The following TGFB1 variants were observed in gnomAD, a reference collection of about 807,000 sequenced individuals.
The protein encoded by TGFB1 is transforming growth factor beta-1 proprotein.
Under a neutral mutation model 43.8 loss-of-function variants are expected in TGFB1, and 19 were observed. The observed-to-expected ratio is 0.43, with a 90% CI of 0.30 to 0.64. The LOEUF (loss-of-function observed/expected upper bound fraction) is 0.64, where lower values mean the gene tolerates loss of function less well. Ranked by LOEUF, TGFB1 falls within the 30% of genes least tolerant of loss-of-function variation. The pLI, the probability that TGFB1 is intolerant of heterozygous loss-of-function variation, is 0.11. For synonymous variants in TGFB1, 221 were observed against 236.3 expected (o/e 0.94, Z 0.60); for missense variants, 445 against 529.8 (o/e 0.84, Z 1.57).
chr19:41,338,835 C>CA (rs61631301), intron 5 of TGFB1, among the ~76,000 whole-genome samples: 1,292 of 118,660 alleles, frequency 0.011, 12 homozygotes, highest in African/African-American at 0.031. Flanking sequence ...ACTCTGTCTC[C>CA]AAAAAAAAAA....
At chr19:41,338,676 T>A (rs2038017720) in intron 5 of TGFB1, among the ~76,000 whole-genome samples, 1 of 151,466 alleles carries the variant, frequency 6.6e-6, no homozygotes, top group Non-Finnish European at 1.5e-5. Context: ...CCATCTCTAC[T>A]AAAATACAAA....
rs2037941311 is a variant in TGFB1, at chr19:41,332,241, C to G, written c.901G>C (p.Asp301His). 1 of 1,614,180 alleles carries G rather than the reference C, an allele frequency of 6.2e-7. No individual in the cohort carries two copies. Among genetic ancestry groups the G allele is most frequent in the African/African-American group, 1.3e-5 (1 of 75,062 alleles). Residue 301 changes from aspartate (D) to histidine (H), a missense_variant, in exon 6 of 7, where the codon GAC becomes CAC. Asp to His is a moderately conservative substitution (Grantham distance 81). Coordinates refer to ENST00000221930, the MANE Select transcript of TGFB1 (RefSeq NM_000660.7). ...TTCCAGCCGAGGTCCTTGCGGAAGT[C>G]AATGTACAGCTGCCGCACGCAGCAG... ...KNCCVRQLYI[D>H]FRKDLGWKWI...
Position 41,337,948 on chromosome 19 carries a change from T to C in TGFB1, c.860+3935A>G, listed in dbSNP as rs192591675. ...GGTTCAAGCCTGTAAGGCCAGCACT[T>C]TGGGAGGCCGAGGCTGATGGATCAC... On this transcript the variant is annotated intron_variant, in intron 5 of 6. Transcript: ENST00000221930. Among the ~76,000 whole-genome samples the C allele has an allele frequency of 1.1e-3, 171 of 152,334 alleles. 1 individual carries two copies. In the Middle Eastern group the frequency reaches 0.041, roughly 36 times the overall value.
intron 5 of TGFB1, among the ~76,000 whole-genome samples, chr19:41,337,062 A>G (rs554060179): frequency 5.3e-4 from 81 of 151,496 alleles, no homozygotes; most frequent in Non-Finnish European, 1.0e-3. Context: ...GGTTCAAGTG[A>G]TTCTCCTGCC....
At chr19:41,339,380 A>G (rs893632527) in intron 5 of TGFB1, among the ~76,000 whole-genome samples, 1 of 151,864 alleles carries the variant, frequency 6.6e-6, no homozygotes, top group African/African-American at 2.4e-5. Flanking sequence ...TGGCCTCCCA[A>G]AGTGCTGGGA....
Position 41,331,120 on chromosome 19 carries a change from A to G in TGFB1, c.1105T>C (p.Tyr369His), listed in dbSNP as rs1483172920. Residue 369 changes from tyrosine to histidine, a missense_variant, in exon 7 of 7, where the codon TAC becomes CAC. Transcript: ENST00000221930. ...TCCACCTTGGGCTTGCGGCCCACGT[A>G]GTACACGATGGGCAGCGGCTCCAGC... is the stretch of plus-strand genomic sequence containing the variant. ...QALEPLPIVY[Y>H]VGRKPKVEQL... is the part of the protein sequence containing the mutation. 6.3e-7 allele frequency: 1 copy of G among 1,584,332 alleles called. No homozygotes were observed. The highest frequency in any genetic ancestry group is 1.1e-5 in the South Asian group (1 of 87,148).
intron 2 of TGFB1, among the ~76,000 whole-genome samples, chr19:41,345,851 G>A (rs1044643631): frequency 2.6e-5 from 4 of 151,602 alleles, no homozygotes; most frequent in African/African-American, 4.9e-5. Flanking sequence ...GCAGTGAGCC[G>A]AGATTGCACC....
Position 41,348,471 on chromosome 19 carries a change from G to A in TGFB1, c.356-16C>T. 1 of 1,611,124 alleles carries A rather than the reference G, an allele frequency of 6.2e-7. No individual in the cohort carries two copies. Among genetic ancestry groups the A allele is most frequent in the Non-Finnish European group, 8.5e-7 (1 of 1,178,560 alleles). On this transcript the variant is annotated splice_polypyrimidine_tract_variant and intron_variant, in intron 1 of 6. Transcript: ENST00000221930. Reference sequence around the variant, plus strand: ...TCATAGATTTCTAGCAGGGAGAAATGAAGGGAGGCGATCAGGGGTTTGGCA... The same window carrying A: ...TCATAGATTTCTAGCAGGGAGAAATAAAGGGAGGCGATCAGGGGTTTGGCA...
At chr19:41,343,557 C>T (rs1054204865) in intron 3 of TGFB1, among the ~76,000 whole-genome samples, 2 of 152,158 alleles carry the variant, frequency 1.3e-5, no homozygotes, top group African/African-American at 4.8e-5. Flanking sequence ...CTCTGGGCTC[C>T]CAACAGCACT....
rs371060849 is a variant in TGFB1, at chr19:41,343,016, T to C, written c.635-769A>G. Reference sequence around the variant, plus strand: ...TCCTACAATGTGCCGAAGCCTGTGCTGTGTGCTTGGGACTCAGCATTGACC... The same window carrying C: ...TCCTACAATGTGCCGAAGCCTGTGCCGTGTGCTTGGGACTCAGCATTGACC... On this transcript the variant is annotated intron_variant, in intron 3 of 6. Coordinates refer to ENST00000221930, the MANE Select transcript of TGFB1 (RefSeq NM_000660.7). Among the ~76,000 whole-genome samples the C allele has an allele frequency of 1.1e-4, 17 of 152,338 alleles. No individual in the cohort carries two copies. In the East Asian group the frequency reaches 2.1e-3, roughly 19 times the overall value.
At chr19:41,344,643 C>T (rs2038095027) in intron 3 of TGFB1, 104 bp downstream of exon 3, 3 of 1,055,472 alleles carry the variant, frequency 2.8e-6, no homozygotes, top group Admixed American at 1.8e-5. Context: ...AGCACTTTCA[C>T]ACCAGTATGG....
At position 41,352,833 on chromosome 19, in the gene TGFB1, C is replaced by T; in HGVS notation, c.212G>A (p.Gly71Asp). The T allele has an allele frequency of 6.3e-7, 1 of 1,577,732 alleles. No individual in the cohort carries two copies. The highest frequency in any genetic ancestry group is 8.6e-7 in the Non-Finnish European group (1 of 1,163,638). ...GGCGAGCACGGCCTCGGGCAGCGGG[C>T]CGGGCGGCACCTCCCCCTGGCTCGG... ...SPPSQGEVPP[G>D]PLPEAVLALY... is the part of the protein sequence containing the mutation. Residue 71 changes from glycine to aspartate, a missense_variant, in exon 1 of 7, where the codon GGC becomes GAC. Transcript: ENST00000221930.
At chr19:41,344,120 C>G (rs1216567314) in intron 3 of TGFB1, among the ~76,000 whole-genome samples, 2 of 151,354 alleles carry the variant, frequency 1.3e-5, no homozygotes, top group Non-Finnish European at 2.9e-5. Context: ...GCAGCTGGAA[C>G]TACAGGCACG....
intron 1 of TGFB1, among the ~76,000 whole-genome samples, chr19:41,351,471 G>T (rs1207294094): frequency 6.6e-6 from 1 of 152,194 alleles, no homozygotes; most frequent in Non-Finnish European, 1.5e-5. Context: ...GCCCCGTCTC[G>T]CCCCGGGCTC....
At position 41,352,115 on chromosome 19, in the gene TGFB1, C is replaced by A. The variant is rs932216345; in HGVS notation, c.355+575G>T. On this transcript the variant is annotated intron_variant, in intron 1 of 6. Coordinates refer to ENST00000221930, the MANE Select transcript of TGFB1 (RefSeq NM_000660.7). ...TGTTTCTCTTTCTACGACTCTCCCC[C>A]ACCCCCGCATCCCGCGTGTTCCTGG... 5.3e-5 allele frequency among the ~76,000 whole-genome samples: 8 copies of A among 152,162 alleles called. No homozygotes were observed. The East Asian group carries it at 1.2e-3, about 22-fold the overall frequency.
intron 3 of TGFB1, among the ~76,000 whole-genome samples, chr19:41,343,157 G>A (rs552766932): frequency 2.1e-4 from 29 of 140,192 alleles, no homozygotes; most frequent in African/African-American, 7.3e-4. Flanking sequence ...TTTTTGAGAC[G>A]GAGTTTCACT....
At chr19:41,331,465 C>T (rs1301993734) in intron 6 of TGFB1, among the ~76,000 whole-genome samples, 1 of 151,802 alleles carries the variant, frequency 6.6e-6, no homozygotes, top group Non-Finnish European at 1.5e-5. Flanking sequence ...TATAGTGGCA[C>T]GATCATGGCT....
Position 41,352,792 on chromosome 19 carries a change from G to C in TGFB1, c.253C>G (p.Arg85Gly). Reference sequence around the variant, plus strand: ...GCACTCTCCCCGGCCACCCGGTCGCGGGTGCTGTTGTACAGGGCGAGCACG... The same window carrying C: ...GCACTCTCCCCGGCCACCCGGTCGCCGGTGCTGTTGTACAGGGCGAGCACG... Reference protein sequence around the residue: ...EAVLALYNSTRDRVAGESAEP... With the variant: ...EAVLALYNSTGDRVAGESAEP... Residue 85 changes from arginine to glycine, a missense_variant, in exon 1 of 7, where the codon CGC (arginine) becomes GGC (glycine). Around this residue, in one of 3 missense-constraint regions of TGFB1, gnomAD observed 366 missense variants for 428.8 expected, o/e 0.85. Coordinates refer to ENST00000221930, the MANE Select transcript of TGFB1 (RefSeq NM_000660.7). 7 of 1,609,298 alleles carry C rather than the reference G, an allele frequency of 4.3e-6. No individual in the cohort carries two copies. Among genetic ancestry groups the C allele is most frequent in the Non-Finnish European group, 5.9e-6 (7 of 1,177,354 alleles).
chr19:41,339,755 C>T (rs574411440), intron 5 of TGFB1, among the ~76,000 whole-genome samples: 3 of 151,970 alleles, frequency 2.0e-5, no homozygotes, highest in Non-Finnish European at 2.9e-5. Flanking sequence ...ACCTGGGAGG[C>T]GGAGGTTGCA....
Sources: gnomAD v4.1 joint callset for allele counts (sites outside exome capture counted in the v4.1 genomes callset) on GRCh38, gnomAD v4.1.1 for gene constraint, gnomAD v4.1.1 regional missense constraint, MANE v1.5 for transcripts, NCBI Gene and HGNC (gene_info 2026-07-23, HGNC 2026-07-21) for gene names.